PHACTR1: variants seen among roughly 807,000 people sequenced by gnomAD.
PHACTR1 encodes phosphatase and actin regulator 1, also known as RPEL repeat containing 1.
PHACTR1 carries 16 observed loss-of-function variants against 69.2 expected under a neutral mutation model. The observed-to-expected ratio is 0.23, with a 90% confidence interval of 0.16 to 0.35. The LOEUF (loss-of-function observed/expected upper bound fraction) is 0.35, where lower values mean the gene tolerates loss of function less well. PHACTR1 is among the 10% of genes least tolerant of loss of function. The pLI is 1.00. For missense variants in PHACTR1, 510 were observed against 734.7 expected, an observed-to-expected ratio of 0.69 and a Z score of 3.54; for synonymous variants, 312 against 284.5, an observed-to-expected ratio of 1.10 and a Z score of -0.97.
intron 10 of PHACTR1, among the ~76,000 whole-genome samples, chr6:13,239,353 G>A (rs12528966): frequency 0.13 from 20,117 of 152,188 alleles, 1,905 homozygotes; most frequent in Admixed American, 0.24. Flanking sequence ...CTGCTTTCAG[G>A]TAATTTGACA....
At chr6:13,030,565 AG>A (rs1802314059) in intron 4 of PHACTR1, among the ~76,000 whole-genome samples, 2 of 152,238 alleles carry the variant, frequency 1.3e-5, no homozygotes. Context: ...TTTGTTAATT[AG>A]GGATTCCCTG....
At chr6:12,854,528 A>G (rs1360931501) in intron 4 of PHACTR1, among the ~76,000 whole-genome samples, 1 of 133,552 alleles carries the variant, frequency 7.5e-6, no homozygotes, top group Non-Finnish European at 1.6e-5. Context: ...GACTTCCTGA[A>G]TACCTAATTC....
chr6:13,134,367 G>GA (rs1431784868), intron 5 of PHACTR1, among the ~76,000 whole-genome samples: 6 of 152,252 alleles, frequency 3.9e-5, no homozygotes, highest in Non-Finnish European at 8.8e-5. Flanking sequence ...GAAGTGTGGG[G>GA]AAAGGAAAGA....
At chr6:13,237,475 C>G (rs1269510665) in intron 10 of PHACTR1, among the ~76,000 whole-genome samples, 2 of 152,116 alleles carry the variant, frequency 1.3e-5, no homozygotes, top group Admixed American at 6.6e-5. Context: ...AATCTTGGAC[C>G]TGGATGGTGT....
chr6:13,146,062 T>A (rs1254321435), intron 5 of PHACTR1, among the ~76,000 whole-genome samples: 1 of 152,222 alleles, frequency 6.6e-6, no homozygotes, highest in Admixed American at 6.5e-5. Flanking sequence ...CATCCTTAAG[T>A]GTTCTCACAA....
intron 4 of PHACTR1, among the ~76,000 whole-genome samples, chr6:12,958,561 A>G (rs1036847311): frequency 2.6e-5 from 4 of 152,218 alleles, no homozygotes; most frequent in Non-Finnish European, 5.9e-5. Context: ...GGAGATAGAA[A>G]TCAATACGGG....
chr6:12,830,168 T>G (rs1460207927), intron 4 of PHACTR1, among the ~76,000 whole-genome samples: 1 of 118,670 alleles, frequency 8.4e-6, no homozygotes, highest in Non-Finnish European at 1.9e-5. Flanking sequence ...ACATCTTCAC[T>G]TTACTGAAGA....
intron 4 of PHACTR1, among the ~76,000 whole-genome samples, chr6:12,927,671 G>T (rs1788415722): frequency 6.6e-6 from 1 of 152,188 alleles, no homozygotes; most frequent in Admixed American, 6.5e-5. Flanking sequence ...TAGGTACCAT[G>T]CATGCATACA....
chr6:13,223,088 G>C (rs1431690761), intron 8 of PHACTR1, among the ~76,000 whole-genome samples: 1 of 152,066 alleles, frequency 6.6e-6, no homozygotes, highest in Non-Finnish European at 1.5e-5. Context: ...TACAAAACCT[G>C]TTATTACAAA....
At chr6:12,833,734 A>G (rs1777842261) in intron 4 of PHACTR1, among the ~76,000 whole-genome samples, 1 of 152,162 alleles carries the variant, frequency 6.6e-6, no homozygotes, top group African/African-American at 2.4e-5. Flanking sequence ...TTTATTCTTC[A>G]TAGGGCAGCT....
chr6:13,264,913 T>C (rs1776417874), intron 10 of PHACTR1: 2 of 151,618 alleles, frequency 1.3e-5, no homozygotes, highest in Admixed American at 1.3e-4. Flanking sequence ...TCCCAGCTGC[T>C]CAGGAGGCTG....
intron 8 of PHACTR1, chr6:13,214,003 T>G (rs997298697): frequency 1.3e-5 from 2 of 152,196 alleles, no homozygotes; most frequent in Non-Finnish European, 2.9e-5. Context: ...TATCTTACTT[T>G]TATGATCAAT....
chr6:12,885,268 G>T (rs1011829565), intron 4 of PHACTR1, among the ~76,000 whole-genome samples: 4 of 152,156 alleles, frequency 2.6e-5, no homozygotes, highest in Non-Finnish European at 5.9e-5. Context: ...TGTGCATCTG[G>T]TACTGTTTGA....
chr6:12,755,104 C>T (rs934011867), intron 4 of PHACTR1, among the ~76,000 whole-genome samples: 1 of 152,120 alleles, frequency 6.6e-6, no homozygotes, highest in Admixed American at 6.5e-5. Context: ...TTCTTAGACT[C>T]TTTGGTCTGA....
At chr6:13,035,838 G>A (rs1583064403) in intron 4 of PHACTR1, among the ~76,000 whole-genome samples, 1 of 152,128 alleles carries the variant, frequency 6.6e-6, no homozygotes, top group South Asian at 2.1e-4. Flanking sequence ...AAGGTCATCA[G>A]TCATTCCTTT....
chr6:12,805,091 A>G (rs923034278), intron 4 of PHACTR1, among the ~76,000 whole-genome samples: 1 of 152,198 alleles, frequency 6.6e-6, no homozygotes, highest in African/African-American at 2.4e-5. Flanking sequence ...TTGGCTTTTT[A>G]ACATTTTTTG....
chr6:13,246,462 G>A lies in PHACTR1; in HGVS notation c.1391+16269G>A, dbSNP rs1773598519. Among the ~76,000 whole-genome samples the A allele has an allele frequency of 6.6e-6, 1 of 150,948 alleles. No homozygotes were observed. Among genetic ancestry groups the A allele is most frequent in the Non-Finnish European group, 1.5e-5 (1 of 67,942 alleles). On this transcript the variant is annotated intron_variant, in intron 10 of 14. Transcript: ENST00000332995. The surrounding 1 kb of genome is among the most constrained non-coding windows in gnomAD (Gnocchi z 4.2). The stretch of plus-strand genomic sequence containing the variant: ...TGAGCAAAGTCTCATTAATCATTTT[G>A]AAAACTAGGCAGGTACTCTGGAAAA...
chr6:13,147,107 C>T (rs1269795447), intron 5 of PHACTR1, among the ~76,000 whole-genome samples: 3 of 152,130 alleles, frequency 2.0e-5, no homozygotes, highest in Non-Finnish European at 4.4e-5. Flanking sequence ...GAAGGTTGTA[C>T]GTGGGGCTTA....
At chr6:13,022,342 G>A (rs1204545873) in intron 4 of PHACTR1, among the ~76,000 whole-genome samples, 1 of 152,184 alleles carries the variant, frequency 6.6e-6, no homozygotes, top group Non-Finnish European at 1.5e-5. Context: ...CATTCTGCTG[G>A]AGGTGCCTAA....
Sources: allele counts gnomAD v4.1 joint callset (sites outside exome capture counted in the v4.1 genomes callset), GRCh38; gene constraint gnomAD v4.1.1; non-coding constraint Gnocchi (gnomAD v3.1); transcripts MANE v1.5; gene names NCBI Gene and HGNC (gene_info 2026-07-23, HGNC 2026-07-21).